SLC20A1: variants seen among roughly 807,000 people sequenced by gnomAD.
SLC20A1 encodes solute carrier family 20 member 1.
In SLC20A1, 28 loss-of-function variants were observed where a neutral mutation model predicts 62.7. The observed-to-expected ratio is 0.45, with a 90% CI of 0.33 to 0.61. SLC20A1 has a LOEUF of 0.61. Among genes scored for constraint, SLC20A1 ranks in the 20% least tolerant of loss-of-function variants. The pLI, the probability that SLC20A1 is intolerant of heterozygous loss-of-function variation, is 0.02. For missense variants in SLC20A1, 673 were observed against 838.6 expected, an observed-to-expected ratio of 0.80 and a Z score of 2.44; for synonymous variants, 305 against 302.9, an observed-to-expected ratio of 1.01 and a Z score of -0.07.
At chr2:112,653,910 A>G (rs1686513004) in intron 5 of SLC20A1, among the ~76,000 whole-genome samples, 1 of 152,144 alleles carries the variant, frequency 6.6e-6, no homozygotes. Flanking sequence ...CTCCTGCTTC[A>G]GCCTCCCAAG....
intron 8 of SLC20A1, among the ~76,000 whole-genome samples, chr2:112,660,007 T>C (rs1686703901): frequency 6.6e-6 from 1 of 152,228 alleles, no homozygotes; most frequent in Admixed American, 6.5e-5. Context: ...GAGAAGGCTT[T>C]TGTCCATCAA....
In SLC20A1 at chr2:112,647,000, A is replaced by G. The variant is rs1444205177; in HGVS notation, c.172A>G (p.Thr58Ala). ...FGTAVGSGVVTLKQACILASI... is the reference protein window; with the variant it reads ...FGTAVGSGVVALKQACILASI... ...TACAGCTGTGGGCTCAGGTGTAGTG[A>G]CCCTGAAGCAAGCCTGCATCCTAGC... The change falls in exon 2 of 11, where the codon ACC becomes GCC. Residue 58 changes from threonine (T) to alanine (A), a missense_variant. Physicochemically the swap from Thr to Ala is moderately conservative, Grantham distance 58. Transcript: ENST00000272542. The G allele has an allele frequency of 6.2e-7, 1 of 1,613,898 alleles. No individual in the cohort carries two copies. Among genetic ancestry groups the G allele is most frequent in the South Asian group, 1.1e-5 (1 of 91,048 alleles).
chr2:112,656,334 C>T (rs1686585079), intron 5 of SLC20A1, among the ~76,000 whole-genome samples: 1 of 151,464 alleles, frequency 6.6e-6, no homozygotes, highest in Non-Finnish European at 1.5e-5. Flanking sequence ...GTAGCTGGGA[C>T]TACAGGCGCC....
chr2:112,660,347 C>G, intron 8 of SLC20A1, 40 bp from the exon 9 acceptor site: 1 of 1,578,766 alleles, frequency 6.3e-7, no homozygotes, highest in Non-Finnish European at 8.7e-7. Context: ...AGATCTAGTT[C>G]TGCCTGAAAA....
At chr2:112,661,690 A>G (rs1172040109) in intron 10 of SLC20A1, among the ~76,000 whole-genome samples, 1 of 152,094 alleles carries the variant, frequency 6.6e-6, no homozygotes, top group African/African-American at 2.4e-5. Flanking sequence ...CTGGGATTAT[A>G]GGCACCCGCC....
At chr2:112,658,628 TC>T (rs1686663545) in intron 6 of SLC20A1, 196 bp from the exon 7 acceptor site, 1 of 601,666 alleles carries the variant, frequency 1.7e-6, no homozygotes, top group Non-Finnish European at 2.8e-6. Flanking sequence ...CATAGGGTGT[TC>T]TGCATTGCTG....
chr2:112,656,565 C>T (rs1471703418), intron 5 of SLC20A1, among the ~76,000 whole-genome samples: 1 of 152,188 alleles, frequency 6.6e-6, no homozygotes, highest in Non-Finnish European at 1.5e-5. Context: ...TCCTTGTTTT[C>T]TGTATCTTGC....
At chr2:112,652,498 G>GAA in intron 4 of SLC20A1, 5 of 566,340 alleles carry the variant, frequency 8.8e-6, no homozygotes, top group South Asian at 2.2e-5. Context: ...AAAGAAAAAA[G>GAA]AAAAAAAAAC....
chr2:112,657,192 C>T lies in SLC20A1; in HGVS notation c.729C>T (p.Ala243=), dbSNP rs759674262. ...CGGTGGGATGTGCAGTTTTCTGTGC[C>T]CTTATCGTCTGGTTCTTTGTATGTC... ...LISVGCAVFC[A]LIVWFFVCPR... Residue 243 remains alanine (A), a synonymous_variant, in exon 6 of 11, where the codon GCC becomes GCT. Coordinates refer to ENST00000272542, the MANE Select transcript of SLC20A1 (RefSeq NM_005415.5). The T allele has an allele frequency of 1.2e-6, 2 of 1,613,816 alleles. No homozygotes were observed. The highest frequency in any genetic ancestry group is 1.1e-5 in the South Asian group (1 of 91,036).
intron 4 of SLC20A1, chr2:112,652,487 A>C (rs768751257): frequency 4.2e-5 from 24 of 576,570 alleles, no homozygotes; most frequent in Non-Finnish European, 7.4e-5. Context: ...TCTTGTTATT[A>C]AAAGAAAAAA....
chr2:112,656,398 G>A (rs929696050), intron 5 of SLC20A1, among the ~76,000 whole-genome samples: 3 of 150,950 alleles, frequency 2.0e-5, no homozygotes, highest in African/African-American at 7.3e-5. Flanking sequence ...ATGGGGTTTT[G>A]CCATGTTGGG....
intron 5 of SLC20A1, among the ~76,000 whole-genome samples, chr2:112,653,656 C>G (rs140808459): frequency 8.5e-5 from 9 of 105,384 alleles, no homozygotes; most frequent in Non-Finnish European, 1.5e-4. Context: ...TTTTCAAATT[C>G]TCTCTTTTTT....
intron 4 of SLC20A1, among the ~76,000 whole-genome samples, chr2:112,651,598 G>A (rs1271265980): frequency 1.3e-5 from 2 of 152,030 alleles, no homozygotes; most frequent in Non-Finnish European, 2.9e-5. Context: ...AGTAGAGACA[G>A]GGTTTCACCG....
intron 5 of SLC20A1, 144 bp from the exon 6 acceptor site, chr2:112,656,978 A>T (rs1686606622): frequency 1.0e-6 from 1 of 956,862 alleles, no homozygotes; most frequent in Non-Finnish European, 1.7e-6. Flanking sequence ...CTAGCACAGT[A>T]ATCCTGTGCA....
rs1451402840 is a variant in SLC20A1 at position 112,647,048 on chromosome 2, T to C, written c.220T>C (p.Ser74Pro). 2 of 1,614,212 alleles carry C rather than the reference T, an allele frequency of 1.2e-6. No homozygotes were observed. The highest frequency in any genetic ancestry group is 1.7e-6 in the Non-Finnish European group (2 of 1,180,040). ...ILASIFETVG[S>P]VLLGAKVSET... Reference sequence around the variant, plus strand: ...AGCTAGCATCTTTGAAACAGTGGGCTCTGTCTTACTGGGGGCCAAAGTGAG... The same window carrying C: ...AGCTAGCATCTTTGAAACAGTGGGCCCTGTCTTACTGGGGGCCAAAGTGAG... The change falls in exon 2 of 11, where the codon TCT becomes CCT. Residue 74 changes from serine (S) to proline (P), a missense_variant. Physicochemically the swap from Ser to Pro is moderately conservative, Grantham distance 74. Transcript: ENST00000272542.
chr2:112,659,283 C>T lies in SLC20A1; in HGVS notation c.1128C>T (p.Tyr376=). 3 of 1,614,156 alleles carry T rather than the reference C, an allele frequency of 1.9e-6. No homozygotes were observed. Among genetic ancestry groups the T allele is most frequent in the African/African-American group, 2.7e-5 (2 of 75,002 alleles). The change falls in exon 8 of 11, where the codon TAC becomes TAT. Residue 376 remains tyrosine, a synonymous_variant. Transcript: ENST00000272542. ...VSNQINSSGH[Y]QYHTVHKDSG... ...ACCAAATAAACTCCAGTGGCCACTA[C>T]CAGTATCACACCGTGCATAAGGATT...
chr2:112,653,570 T>C (rs931907815), intron 5 of SLC20A1, among the ~76,000 whole-genome samples: 7 of 152,180 alleles, frequency 4.6e-5, no homozygotes, highest in African/African-American at 1.2e-4. Context: ...GACACACATG[T>C]ATGTATGTAG....
intron 10 of SLC20A1, among the ~76,000 whole-genome samples, chr2:112,661,974 C>T (rs1334189260): frequency 2.0e-5 from 3 of 152,066 alleles, no homozygotes; most frequent in African/African-American, 7.2e-5. Flanking sequence ...GGCTGAAGGC[C>T]TGGTTCTAAC....
At chr2:112,658,624 G>T in intron 6 of SLC20A1, 1 of 570,238 alleles carries the variant, frequency 1.8e-6, no homozygotes, top group Non-Finnish European at 3.0e-6. Context: ...CTGACATAGG[G>T]TGTTCTGCAT....
Sources: allele counts gnomAD v4.1 joint callset (sites outside exome capture counted in the v4.1 genomes callset), GRCh38; gene constraint gnomAD v4.1.1; transcripts MANE v1.5; gene names NCBI Gene and HGNC (gene_info 2026-07-23, HGNC 2026-07-21).